The following GPC5 variants were observed in gnomAD, a reference collection of about 807,000 sequenced individuals.
GPC5 encodes the protein glypican 5, also known as glypican-5.
Under a neutral mutation model 53.9 loss-of-function variants are expected in GPC5, and 47 were observed. That is an observed-to-expected ratio of 0.87 (90% confidence interval 0.69 to 1.11). The LOEUF (loss-of-function observed/expected upper bound fraction) is 1.11. Among genes scored for constraint, GPC5 ranks in the 50% most tolerant of loss-of-function variants. The pLI is 0.00. For synonymous variants in GPC5, 286 were observed against 263.3 expected (o/e 1.09, Z -0.84); for missense variants, 748 against 713.1 (o/e 1.05, Z -0.56).
chr13:91,929,994 G>C (rs370566044), intron 6 of GPC5, among the ~76,000 whole-genome samples: 5 of 152,020 alleles, frequency 3.3e-5, no homozygotes, highest in African/African-American at 1.2e-4. Flanking sequence ...AATGTAATTT[G>C]AAAGTTATAA....
chr13:92,581,626 TTGAG>T (rs1883372656), intron 7 of GPC5, among the ~76,000 whole-genome samples: 1 of 152,178 alleles, frequency 6.6e-6, no homozygotes, highest in Admixed American at 6.5e-5. Context: ...TTTTTAATTT[TTGAG>T]TGAGCTCCAT....
At chr13:92,333,117 T>G (rs1009958251) in intron 7 of GPC5, among the ~76,000 whole-genome samples, 1 of 152,044 alleles carries the variant, frequency 6.6e-6, no homozygotes, top group Non-Finnish European at 1.5e-5. Context: ...AGTTGATAAA[T>G]TGGTGGGGGC....
chr13:91,653,976 C>T (rs1280742877), intron 2 of GPC5, among the ~76,000 whole-genome samples: 2 of 152,118 alleles, frequency 1.3e-5, no homozygotes, highest in Non-Finnish European at 2.9e-5. Flanking sequence ...TCTCTCCTAC[C>T]CATCTTCACA....
intron 7 of GPC5, among the ~76,000 whole-genome samples, chr13:92,787,679 A>AG (rs1173171013): frequency 4.0e-5 from 6 of 148,922 alleles, no homozygotes; most frequent in East Asian, 2.0e-4. Context: ...AAAAAAAAAA[A>AG]AAAAGAAAAG....
chr13:91,423,572 AG>A (rs1316768851), intron 1 of GPC5, among the ~76,000 whole-genome samples: 2 of 151,582 alleles, frequency 1.3e-5, no homozygotes, highest in East Asian at 1.9e-4. Flanking sequence ...TTACCAGTAG[AG>A]GGGGGGTGTG....
intron 7 of GPC5, among the ~76,000 whole-genome samples, chr13:92,460,514 A>G (rs766113381): frequency 7.2e-5 from 11 of 152,192 alleles, no homozygotes; most frequent in Non-Finnish European, 1.2e-4. Flanking sequence ...AACAATTAGT[A>G]TATTTTATGA....
At chr13:92,013,253 A>T in intron 6 of GPC5, among the ~76,000 whole-genome samples, 1 of 152,312 alleles carries the variant, frequency 6.6e-6, no homozygotes, top group East Asian at 1.9e-4. Context: ...AAGGCAGAGA[A>T]TTTTATTTAG....
chr13:92,185,052 A>G (rs535808880), intron 7 of GPC5, among the ~76,000 whole-genome samples: 6 of 152,302 alleles, frequency 3.9e-5, no homozygotes, highest in Admixed American at 6.5e-5. Context: ...AGCACCTGCA[A>G]TAGGACAGAA....
chr13:92,139,405 C>T (rs1207600010), intron 6 of GPC5, among the ~76,000 whole-genome samples: 3 of 152,244 alleles, frequency 2.0e-5, no homozygotes, highest in Non-Finnish European at 2.9e-5. Flanking sequence ...CAGTGGCTCA[C>T]GCCTGTAATC....
intron 5 of GPC5, among the ~76,000 whole-genome samples, chr13:91,841,839 G>C (rs545053556): frequency 7.9e-5 from 12 of 152,254 alleles, no homozygotes; most frequent in African/African-American, 2.6e-4. Context: ...TGGAGCATAT[G>C]GGCAGTTTGA....
chr13:92,139,922 G>C (rs532619851), intron 6 of GPC5, among the ~76,000 whole-genome samples: 4 of 152,124 alleles, frequency 2.6e-5, no homozygotes, highest in Non-Finnish European at 5.9e-5. Context: ...CGTCTACAAT[G>C]TGGTAAGTAC....
At chr13:92,642,359 A>G (rs1352196817) in intron 7 of GPC5, among the ~76,000 whole-genome samples, 1 of 152,198 alleles carries the variant, frequency 6.6e-6, no homozygotes, top group Non-Finnish European at 1.5e-5. Flanking sequence ...CCTGTGACTC[A>G]TCTTTGGATA....
intron 7 of GPC5, among the ~76,000 whole-genome samples, chr13:92,395,243 T>C (rs1403380148): frequency 1.3e-5 from 2 of 152,158 alleles, no homozygotes; most frequent in African/African-American, 4.8e-5. Context: ...TATCTTCTCT[T>C]TTAGCATATC....
chr13:92,866,907 G>A lies in GPC5; in HGVS notation c.*468G>A, dbSNP rs1276727955. ...ACATACAATGGCAAGTAGTATGCAT[G>A]CATATTCAAGAGACTCTTCCATTTT... On this transcript the variant is annotated 3_prime_UTR_variant, in exon 8 of 8. Coordinates refer to ENST00000377067, the MANE Select transcript of GPC5 (RefSeq NM_004466.6). The A allele has an allele frequency of 6.6e-6, 1 of 152,146 alleles. No homozygotes were observed. Among genetic ancestry groups the A allele is most frequent in the African/African-American group, 2.4e-5 (1 of 41,432 alleles). The allele number at this position is 152,146 out of a possible 1,614,324, so 9.4% of individuals were successfully genotyped here. A position where few individuals can be genotyped will look rare whatever the true frequency, so the allele number is the denominator to read the frequency against.
At chr13:92,852,714 G>A (rs1486726451) in intron 7 of GPC5, among the ~76,000 whole-genome samples, 3 of 152,142 alleles carry the variant, frequency 2.0e-5, no homozygotes, top group Non-Finnish European at 4.4e-5. Flanking sequence ...GGGATTACAG[G>A]CATGAGCCAC....
At chr13:92,354,117 C>T (rs1327454696) in intron 7 of GPC5, among the ~76,000 whole-genome samples, 1 of 152,086 alleles carries the variant, frequency 6.6e-6, no homozygotes, top group South Asian at 2.1e-4. Flanking sequence ...CTTGTCAAAA[C>T]GCAAGTCATC....
At chr13:91,522,462 A>G (rs1000087589) in intron 2 of GPC5, among the ~76,000 whole-genome samples, 17 of 152,170 alleles carry the variant, frequency 1.1e-4, no homozygotes, top group African/African-American at 4.1e-4. Context: ...AGTTTTCCCC[A>G]TAGCTGCGCA....
At chr13:91,815,608 T>C (rs1566280259) in intron 5 of GPC5, among the ~76,000 whole-genome samples, 2 of 152,292 alleles carry the variant, frequency 1.3e-5, no homozygotes, top group East Asian at 3.9e-4. Context: ...GTGAGCACGA[T>C]GTGAGGTATC....
chr13:92,400,406 C>A (rs2139335738), intron 7 of GPC5, among the ~76,000 whole-genome samples: 1 of 152,284 alleles, frequency 6.6e-6, no homozygotes, highest in African/African-American at 2.4e-5. Context: ...TACCTACTAA[C>A]CCAAGAACAT....
Sources: gnomAD v4.1 joint callset for allele counts (sites outside exome capture counted in the v4.1 genomes callset) on GRCh38, gnomAD v4.1.1 for gene constraint, MANE v1.5 for transcripts, NCBI Gene and HGNC (gene_info 2026-07-23, HGNC 2026-07-21) for gene names.